Variants in MKLN1 observed in about 807,000 individuals in gnomAD.
MKLN1 encodes the protein muskelin 1, also known as muskelin.
A neutral mutation model predicts 99.0 loss-of-function variants in MKLN1; 18 were observed. The ratio of observed to expected loss-of-function variants is 0.18; its 90% CI spans 0.13 to 0.27. The LOEUF (loss-of-function observed/expected upper bound fraction) is 0.27. Among genes scored for constraint, MKLN1 ranks in the 10% least tolerant of loss-of-function variants. The pLI, the probability that MKLN1 is intolerant of heterozygous loss-of-function variation, is 1.00. For synonymous variants in MKLN1, 288 were observed against 293.2 expected, an observed-to-expected ratio of 0.98 and a Z score of 0.18; for missense variants, 621 against 875.9, an observed-to-expected ratio of 0.71 and a Z score of 3.67.
intron 12 of MKLN1, among the ~76,000 whole-genome samples, chr7:131,455,152 T>A (rs939212039): frequency 6.6e-5 from 10 of 152,232 alleles, no homozygotes; most frequent in African/African-American, 2.4e-4. Flanking sequence ...ATATGTGCAT[T>A]GGACCGTGAA....
chr7:131,278,258 G>A (rs1346315732), intron 3 of MKLN1, among the ~76,000 whole-genome samples: 1 of 151,844 alleles, frequency 6.6e-6, no homozygotes, highest in African/African-American at 2.4e-5. Flanking sequence ...GGCTGGTCTG[G>A]AACTCATGAG....
chr7:131,484,570 A>G (rs941684477), intron 17 of MKLN1, among the ~76,000 whole-genome samples: 1 of 152,134 alleles, frequency 6.6e-6, no homozygotes, highest in Non-Finnish European at 1.5e-5. Context: ...TTTCCTTCTT[A>G]GATAATTTGA....
rs1797563457 is a variant in MKLN1 at position 131,496,438 on chromosome 7, A to C, written c.*8710A>C. The stretch of plus-strand genomic sequence containing the variant: ...TTTATCCAATCTGTATGGACTTTTT[A>C]GGATTTTTTTTTTCTTATAGTACAA... On this transcript the variant is annotated 3_prime_UTR_variant, in exon 18 of 18. Coordinates refer to ENST00000352689, the MANE Select transcript of MKLN1 (RefSeq NM_013255.5). 6.6e-6 allele frequency: 1 copy of C among 151,806 alleles called. No homozygotes were observed. Among genetic ancestry groups the C allele is most frequent in the Non-Finnish European group, 1.5e-5 (1 of 67,994 alleles). 9.4% of individuals were successfully genotyped at this position (151,806 alleles called of 1,614,324 possible). A position where few individuals can be genotyped will look rare whatever the true frequency, so the allele number is the denominator to read the frequency against.
intron 2 of MKLN1, among the ~76,000 whole-genome samples, chr7:131,386,555 C>T (rs1213839453): frequency 6.6e-6 from 1 of 152,064 alleles, no homozygotes; most frequent in Non-Finnish European, 1.5e-5. Context: ...AGAGAACAGT[C>T]TGCGTGATGT....
rs979611041 is a variant in MKLN1, at chr7:131,375,504, A to G, written c.168+11A>G. 4 of 1,559,740 alleles carry G rather than the reference A, an allele frequency of 2.6e-6. No individual in the cohort carries two copies. Among genetic ancestry groups the G allele is most frequent in the Middle Eastern group, 1.7e-4 (1 of 5,944 alleles). ...AACTATCCTCCCCAGGTAAGATTAC[A>G]TGTATCCCTTAATGCTGTTTAGAAG... On this transcript the variant is annotated intron_variant, in intron 2 of 17. Coordinates refer to ENST00000352689, the MANE Select transcript of MKLN1 (RefSeq NM_013255.5).
intron 6 of MKLN1, among the ~76,000 whole-genome samples, chr7:131,401,583 T>C (rs1327457737): frequency 7.9e-5 from 12 of 152,212 alleles, no homozygotes; most frequent in Non-Finnish European, 1.8e-4. Flanking sequence ...CTTCTTTCTT[T>C]TTTCTGTTTT....
At chr7:131,267,332 AAAATAAATAAAT>A (rs533014457) in intron 3 of MKLN1, among the ~76,000 whole-genome samples, 1 of 152,024 alleles carries the variant, frequency 6.6e-6, no homozygotes, top group Non-Finnish European at 1.5e-5. Context: ...CTCCATCTCA[AAAATAAATAAAT>A]AAATAAATAA....
At chr7:131,382,907 T>TAGAG (rs1793894848) in intron 2 of MKLN1, among the ~76,000 whole-genome samples, 1 of 151,992 alleles carries the variant, frequency 6.6e-6, no homozygotes. Context: ...GTATTTTTAG[T>TAGAG]AGAGACAGGG....
Position 131,144,752 on chromosome 7 carries a change from C to T in MKLN1, c.-297+1811C>T, listed in dbSNP as rs11976312. On this transcript the variant is annotated intron_variant, in intron 2 of 7. Coordinates refer to the MKLN1 transcript ENST00000416992. ...CAGCACTTTGAGAGGGCGAGGTGGG[C>T]GGATCACCTGAGATCAGGAGTTCAA... is the stretch of plus-strand genomic sequence containing the variant. Among the ~76,000 whole-genome samples the T allele has an allele frequency of 1.7e-3, 252 of 151,912 alleles. 2 individuals carry two copies. Among genetic ancestry groups the T allele is most frequent in the Non-Finnish European group, 2.8e-3 (188 of 67,958 alleles).
chr7:131,440,421 T>G (rs1795804609), intron 10 of MKLN1, among the ~76,000 whole-genome samples: 1 of 152,202 alleles, frequency 6.6e-6, no homozygotes, highest in East Asian at 1.9e-4. Flanking sequence ...AACATCCACC[T>G]TCTATAGAAA....
At chr7:131,199,303 C>A (rs902694481) in intron 2 of MKLN1, among the ~76,000 whole-genome samples, 7 of 151,724 alleles carry the variant, frequency 4.6e-5, no homozygotes, top group African/African-American at 1.7e-4. Flanking sequence ...GTTGCCCAGA[C>A]TGGAGTACAG....
At chr7:131,413,404 C>G (rs1794932039) in intron 7 of MKLN1, among the ~76,000 whole-genome samples, 1 of 151,952 alleles carries the variant, frequency 6.6e-6, no homozygotes, top group Non-Finnish European at 1.5e-5. Flanking sequence ...TAGGAGAAAG[C>G]CAATACAGGG....
rs572621117 is a variant in MKLN1, at chr7:131,493,125, G to A, written c.*5397G>A. On this transcript the variant is annotated 3_prime_UTR_variant, in exon 18 of 18. Transcript: ENST00000352689. ...ACATGAATGTTGTCTGAAAGCTGTA[G>A]GATCAATGGCAAAAAAGGGGAAATG... The A allele has an allele frequency of 2.0e-5, 3 of 152,286 alleles. No individual in the cohort carries two copies. The highest frequency in any genetic ancestry group is 7.2e-5 in the African/African-American group (3 of 41,556). The allele number at this position is 152,286 out of a possible 1,614,324, so 9.4% of individuals were successfully genotyped here.
chr7:131,247,051 T>C (rs1034328095), intron 3 of MKLN1, among the ~76,000 whole-genome samples: 2 of 152,172 alleles, frequency 1.3e-5, no homozygotes, highest in African/African-American at 2.4e-5. Flanking sequence ...GTGTGGGACA[T>C]GGCAAACTGG....
chr7:131,296,894 G>T (rs1316751277), intron 3 of MKLN1, among the ~76,000 whole-genome samples: 1 of 152,062 alleles, frequency 6.6e-6, no homozygotes, highest in Non-Finnish European at 1.5e-5. Context: ...GTGCCACCAT[G>T]CCCAGCTAAT....
intron 1 of MKLN1, 79 bp from the exon 2 acceptor site, chr7:131,375,345 T>A: frequency 1.1e-6 from 1 of 877,638 alleles, no homozygotes; most frequent in Non-Finnish European, 1.9e-6. Context: ...AACTTTATGA[T>A]AATTTCAGCA....
intron 2 of MKLN1, among the ~76,000 whole-genome samples, chr7:131,181,207 C>T (rs1796373046): frequency 6.6e-6 from 1 of 152,066 alleles, no homozygotes; most frequent in Non-Finnish European, 1.5e-5. Context: ...GGTATTTTCC[C>T]TCCAGTATTG....
intron 17 of MKLN1, among the ~76,000 whole-genome samples, chr7:131,483,059 T>C (rs1466801492): frequency 2.0e-5 from 3 of 152,226 alleles, no homozygotes; most frequent in African/African-American, 7.2e-5. Flanking sequence ...GCTTTACCAG[T>C]TTCCACTGCT....
At chr7:131,243,328 A>C (rs1401258015) in intron 3 of MKLN1, among the ~76,000 whole-genome samples, 1 of 152,152 alleles carries the variant, frequency 6.6e-6, no homozygotes, top group Non-Finnish European at 1.5e-5. Context: ...GTCGGGAGAC[A>C]ATCATGTCAT....
Sources: gnomAD v4.1 joint callset for allele counts (sites outside exome capture counted in the v4.1 genomes callset) on GRCh38, gnomAD v4.1.1 for gene constraint, MANE v1.5 for transcripts, NCBI Gene and HGNC (gene_info 2026-07-23, HGNC 2026-07-21) for gene names.